NAPB: variants seen among roughly 807,000 people sequenced by gnomAD.
NAPB encodes the protein NSF attachment protein beta.
NAPB carries 26 observed loss-of-function variants against 44.7 expected under a neutral mutation model. The observed-to-expected ratio is 0.58, with a 90% CI of 0.43 to 0.81. NAPB has a LOEUF of 0.81. Among genes scored for constraint, NAPB ranks in the 30% least tolerant of loss-of-function variants. NAPB has a pLI of 0.00. For synonymous variants in NAPB, 120 were observed against 116.8 expected, an observed-to-expected ratio of 1.03 and a Z score of -0.18; for missense variants, 315 against 356.4, an observed-to-expected ratio of 0.88 and a Z score of 0.94.
chr20:23,411,130 G>A (rs913289438), intron 1 of NAPB, among the ~76,000 whole-genome samples: 1 of 151,986 alleles, frequency 6.6e-6, no homozygotes, highest in African/African-American at 2.4e-5. Context: ...CCCTAAAGAG[G>A]GGAAGAAAAA....
intron 5 of NAPB, 41 bp downstream of exon 5, chr20:23,394,881 T>C (rs778822300): frequency 1.3e-5 from 21 of 1,583,552 alleles, no homozygotes; most frequent in East Asian, 2.2e-5. Context: ...AGTCAGCTTA[T>C]CTGCCTGCTT....
intron 1 of NAPB, among the ~76,000 whole-genome samples, chr20:23,403,809 T>TC (rs1193848023): frequency 6.6e-6 from 1 of 152,118 alleles, no homozygotes; most frequent in African/African-American, 2.4e-5. Flanking sequence ...CCCTGTTATC[T>TC]CCCAAGAGTT....
At chr20:23,388,743 A>T (rs1983716722) in intron 7 of NAPB, among the ~76,000 whole-genome samples, 1 of 152,222 alleles carries the variant, frequency 6.6e-6, no homozygotes, top group African/African-American at 2.4e-5. Context: ...CTCATACTAT[A>T]TACAAAAATT....
chr20:23,394,850 TGAGGA>T, intron 5 of NAPB, 67 bp downstream of exon 5: 2 of 1,450,222 alleles, frequency 1.4e-6, no homozygotes, highest in Admixed American at 1.7e-5. Context: ...ACTCTCAGAC[TGAGGA>T]GAGGAGAGTT....
At chr20:23,381,182 A>C in intron 8 of NAPB, 31 bp downstream of exon 8, 1 of 1,445,880 alleles carries the variant, frequency 6.9e-7, no homozygotes. Context: ...TATGGGTGAA[A>C]TCAGTCAATC....
In NAPB at chr20:23,374,986, A is replaced by G. The variant is rs1418699558; in HGVS notation, c.*2390T>C. The G allele has an allele frequency of 6.6e-6, 1 of 152,220 alleles. No homozygotes were observed. Among genetic ancestry groups the G allele is most frequent in the Non-Finnish European group, 1.5e-5 (1 of 68,036 alleles). The allele number at this position is 152,220 out of a possible 1,614,324, so 9.4% of individuals were successfully genotyped here. ...CATAAATAATTATATTTTGTTCATA[A>G]GTAACATTCTATAAATCTTGAAGAC... On this transcript the variant is annotated 3_prime_UTR_variant, in exon 11 of 11. Transcript: ENST00000377026.
chr20:23,410,704 C>T (rs757010145), intron 1 of NAPB, among the ~76,000 whole-genome samples: 1 of 151,560 alleles, frequency 6.6e-6, no homozygotes, highest in Non-Finnish European at 1.5e-5. Context: ...AAAAAAGGAA[C>T]AAATATTAAA....
chr20:23,401,637 T>C (rs1338851581), intron 2 of NAPB, among the ~76,000 whole-genome samples: 4 of 152,138 alleles, frequency 2.6e-5, no homozygotes, highest in South Asian at 2.1e-4. Context: ...TCCCAGCACT[T>C]TGGGAGGCCG....
chr20:23,410,059 T>C (rs1239422289), intron 1 of NAPB, among the ~76,000 whole-genome samples: 1 of 152,180 alleles, frequency 6.6e-6, no homozygotes, highest in East Asian at 1.9e-4. Context: ...CAGGCTGCAG[T>C]TTCCAGAAGA....
In NAPB at chr20:23,390,273, A is replaced by G. The variant is rs1364780745; in HGVS notation, c.421-9T>C. 13 of 1,604,528 alleles carry G rather than the reference A, an allele frequency of 8.1e-6. No homozygotes were observed. The highest frequency in any genetic ancestry group is 1.1e-5 in the Non-Finnish European group (13 of 1,171,818). On this transcript the variant is annotated splice_polypyrimidine_tract_variant and intron_variant, in intron 5 of 10. Coordinates refer to ENST00000377026, the MANE Select transcript of NAPB (RefSeq NM_022080.3). ...TCATAATGTGCAATAGCCTGAAAAC[A>G]TACATATTTTATTCACACACAATTT...
At chr20:23,409,876 A>G (rs1009759749) in intron 1 of NAPB, among the ~76,000 whole-genome samples, 7 of 152,230 alleles carry the variant, frequency 4.6e-5, no homozygotes, top group African/African-American at 9.6e-5. Flanking sequence ...CTCTGCTGCC[A>G]GTCAGAGGGG....
intron 1 of NAPB, among the ~76,000 whole-genome samples, chr20:23,410,090 A>G (rs1985544080): frequency 6.6e-6 from 1 of 152,214 alleles, no homozygotes; most frequent in Admixed American, 6.5e-5. Context: ...GGGAGAAGGC[A>G]ACTTAGAAGG....
chr20:23,398,834 A>T (rs1371874955), intron 2 of NAPB, among the ~76,000 whole-genome samples: 3 of 139,622 alleles, frequency 2.1e-5, no homozygotes, highest in Non-Finnish European at 3.1e-5. Flanking sequence ...ACAGAGCAAG[A>T]CTCTTGTCTC....
At chr20:23,382,927 G>A (rs1983139994) in intron 7 of NAPB, among the ~76,000 whole-genome samples, 1 of 152,150 alleles carries the variant, frequency 6.6e-6, no homozygotes, top group African/African-American at 2.4e-5. Flanking sequence ...GGCCAAGGCA[G>A]GCGAACCACT....
intron 1 of NAPB, 54 bp downstream of exon 1, chr20:23,421,251 G>A (rs1986403296): frequency 2.8e-6 from 4 of 1,427,854 alleles, no homozygotes; most frequent in Non-Finnish European, 3.7e-6. Flanking sequence ...TGAAAGGAAG[G>A]GGGCCAAGTA....
chr20:23,389,139 TAAA>T (rs1983747024), intron 7 of NAPB, among the ~76,000 whole-genome samples: 1 of 125,690 alleles, frequency 8.0e-6, no homozygotes, highest in East Asian at 2.4e-4. Context: ...AATAAGCAAA[TAAA>T]AAGATGCTCA....
At chr20:23,384,246 A>G (rs980746274) in intron 7 of NAPB, among the ~76,000 whole-genome samples, 1 of 152,200 alleles carries the variant, frequency 6.6e-6, no homozygotes. Context: ...ACACTGAGGA[A>G]TAACTGTACT....
chr20:23,376,468 A>T lies in NAPB; in HGVS notation c.*908T>A, dbSNP rs1162682330. 6.6e-6 allele frequency: 1 copy of T among 152,240 alleles called. No individual in the cohort carries two copies. The highest frequency in any genetic ancestry group is 1.5e-5 in the Non-Finnish European group (1 of 68,048). 9.4% of individuals were successfully genotyped at this position (152,240 alleles called of 1,614,324 possible). A position where few individuals can be genotyped will look rare whatever the true frequency, so the allele number is the denominator to read the frequency against. On this transcript the variant is annotated 3_prime_UTR_variant, in exon 11 of 11. Coordinates refer to ENST00000377026, the MANE Select transcript of NAPB (RefSeq NM_022080.3). ...ACATTCATTCTCAAGCTTGACTTAG[A>T]TAATCTATCCAGCCCTGACCAAGAT... is the stretch of plus-strand genomic sequence containing the variant.
intron 1 of NAPB, among the ~76,000 whole-genome samples, chr20:23,405,095 G>C (rs181346287): frequency 2.4e-3 from 358 of 152,140 alleles, no homozygotes; most frequent in African/African-American, 8.1e-3. Flanking sequence ...CTGAGGTCAG[G>C]AGTTCAAGAC....
Sources: allele counts gnomAD v4.1 joint callset (sites outside exome capture counted in the v4.1 genomes callset), GRCh38; gene constraint gnomAD v4.1.1; transcripts MANE v1.5; gene names NCBI Gene and HGNC (gene_info 2026-07-23, HGNC 2026-07-21).